Variants in EML5 observed in about 807,000 individuals in gnomAD.
The protein encoded by EML5 is echinoderm microtubule-associated protein-like 5.
A neutral mutation model predicts 250.0 loss-of-function variants in EML5; 120 were observed. The ratio of observed to expected loss-of-function variants is 0.48; its 90% CI spans 0.41 to 0.56. The LOEUF is 0.56. Ranked by LOEUF, EML5 falls within the 20% of genes least tolerant of loss-of-function variation. The pLI, the probability that EML5 is intolerant of heterozygous loss-of-function variation, is 0.00. For synonymous variants in EML5, 771 were observed against 806.5 expected, an observed-to-expected ratio of 0.96 and a Z score of 0.75; for missense variants, 2,006 against 2,437.6, an observed-to-expected ratio of 0.82 and a Z score of 3.73.
At chr14:88,655,891 G>C (rs1170839471) in intron 27 of EML5, among the ~76,000 whole-genome samples, 1 of 152,192 alleles carries the variant, frequency 6.6e-6, no homozygotes, top group Non-Finnish European at 1.5e-5. Context: ...GGTCATTAGA[G>C]AAATGCAAAT....
intron 16 of EML5, 127 bp downstream of exon 16, chr14:88,695,234 G>T: frequency 1.5e-6 from 1 of 665,260 alleles, no homozygotes; most frequent in Non-Finnish European, 2.5e-6. Context: ...TTATTCAATG[G>T]TAATAAACAT....
chr14:88,780,389 C>G (rs1043228632), intron 1 of EML5, among the ~76,000 whole-genome samples: 3 of 150,190 alleles, frequency 2.0e-5, no homozygotes, highest in African/African-American at 7.4e-5. Context: ...GATTTGTTTA[C>G]TGTTCAGTAT....
chr14:88,622,235 T>G (rs1364867239), intron 37 of EML5: 7 of 176,652 alleles, frequency 4.0e-5, no homozygotes, highest in Non-Finnish European at 4.8e-5. Context: ...CTGAGTAGTA[T>G]TTCATTGTTT....
chr14:88,711,349 C>T (rs765312008), intron 10 of EML5, among the ~76,000 whole-genome samples: 1 of 100,368 alleles, frequency 1.0e-5, no homozygotes, highest in Admixed American at 1.1e-4. Flanking sequence ...TGAGTTCTCA[C>T]GAGATCTGAT....
rs1388771759 is a variant in EML5 at position 88,618,781 on chromosome 14, C to T, written c.5407G>A (p.Gly1803Ser). The change falls in exon 40 of 44, where the codon GGT (glycine) becomes AGT (serine). Residue 1803 changes from glycine (G) to serine (S), a missense_variant. This residue lies in a region of EML5 where 405 missense variants were observed against 523.3 expected (regional missense o/e 0.77). Transcript: ENST00000554922. ...AAATCCACTGAGTTCTCACTAGAAC[C>T]TACTGCCAGATACCGGGAATCCGGA... Reference protein sequence around the residue: ...FSPDSRYLAVGSSENSVDFYD... With the variant: ...FSPDSRYLAVSSSENSVDFYD... 6.3e-7 allele frequency: 1 copy of T among 1,597,462 alleles called. No homozygotes were observed. The highest frequency in any genetic ancestry group is 8.5e-7 in the Non-Finnish European group (1 of 1,170,820).
intron 1 of EML5, among the ~76,000 whole-genome samples, chr14:88,770,934 G>A (rs569876938): frequency 6.6e-6 from 1 of 152,184 alleles, no homozygotes; most frequent in South Asian, 2.1e-4. Flanking sequence ...ATATTGCTGA[G>A]TAATGGAAAT....
chr14:88,739,117 G>A (rs2093888171), intron 5 of EML5, 103 bp from the exon 6 acceptor site: 5 of 1,121,526 alleles, frequency 4.5e-6, no homozygotes, highest in Non-Finnish European at 6.1e-6. Context: ...ATTTTGGTAG[G>A]ATATAAGAAT....
intron 7 of EML5, among the ~76,000 whole-genome samples, chr14:88,727,391 G>A (rs2093682696): frequency 6.8e-6 from 1 of 146,634 alleles, no homozygotes; most frequent in Admixed American, 7.0e-5. Flanking sequence ...TCTGTAGTGT[G>A]ATACACTGCA....
At position 88,658,314 on chromosome 14, in the gene EML5, G is replaced by A; in HGVS notation, c.3750C>T (p.Asp1250=). The A allele has an allele frequency of 6.2e-7, 1 of 1,613,812 alleles. No homozygotes were observed. The highest frequency in any genetic ancestry group is 8.5e-7 in the Non-Finnish European group (1 of 1,179,816). ...TACCGCCTAGGGTAACCAACATGCT[G>A]TCATCATAAGTCCAGCGAACATTTG... ...HVTNVRWTYD[D]SMLVTLGGTD... is the part of the protein sequence containing the mutation. Residue 1250 remains aspartate, a synonymous_variant, in exon 26 of 44, where the codon GAC becomes GAT. Transcript: ENST00000554922.
chr14:88,645,278 G>A (rs1293668705), intron 29 of EML5, among the ~76,000 whole-genome samples: 1 of 152,122 alleles, frequency 6.6e-6, no homozygotes, highest in Non-Finnish European at 1.5e-5. Context: ...CGCCTACCTC[G>A]GCCTCCCAAA....
At chr14:88,706,168 G>T (rs1405722847) in intron 11 of EML5, 91 bp downstream of exon 11, 19 of 1,227,972 alleles carry the variant, frequency 1.5e-5, no homozygotes, top group South Asian at 5.2e-5. Context: ...AACTTATGAG[G>T]CCAGATTATA....
intron 1 of EML5, among the ~76,000 whole-genome samples, chr14:88,772,341 C>T (rs1306475252): frequency 6.6e-6 from 1 of 152,200 alleles, no homozygotes. Context: ...TCAACATAGC[C>T]AGGTGATCTT....
chr14:88,765,327 T>G (rs1386297512), intron 1 of EML5, among the ~76,000 whole-genome samples: 1 of 152,182 alleles, frequency 6.6e-6, no homozygotes, highest in Non-Finnish European at 1.5e-5. Context: ...GAACGTTAGC[T>G]GAATTCAATT....
intron 1 of EML5, among the ~76,000 whole-genome samples, chr14:88,757,602 G>T (rs958715874): frequency 6.6e-6 from 1 of 151,974 alleles, no homozygotes; most frequent in African/African-American, 2.4e-5. Flanking sequence ...AATATATAAA[G>T]AATTCCTACA....
chr14:88,690,309 T>G (rs1351442731), intron 17 of EML5, among the ~76,000 whole-genome samples: 1 of 152,214 alleles, frequency 6.6e-6, no homozygotes, highest in African/African-American at 2.4e-5. Context: ...ATTAAGAGGT[T>G]CATTCTGACT....
Position 88,660,568 on chromosome 14 carries a change from CT to C in EML5, c.3675+1085del, listed in dbSNP as rs544095634. ...CCAGCCTGACCAACATGGTAAAACC[CT>C]ATCTCTACTAAAAATACAAAAAAAT... On this transcript the variant is annotated intron_variant, in intron 25 of 43. Coordinates refer to ENST00000554922, the MANE Select transcript of EML5 (RefSeq NM_183387.3). 5.2e-3 allele frequency among the ~76,000 whole-genome samples: 786 copies of C among 151,788 alleles called. 9 individuals carry two copies. The highest frequency in any genetic ancestry group is 0.018 in the African/African-American group (756 of 41,386).
chr14:88,620,178 C>T lies in EML5; in HGVS notation c.5375+576G>A, dbSNP rs1325773879. On this transcript the variant is annotated intron_variant, in intron 39 of 43. Coordinates refer to ENST00000554922, the MANE Select transcript of EML5 (RefSeq NM_183387.3). This position sits in a 1 kb window ranked among gnomAD's most constrained non-coding sequence, Gnocchi z 4.3. ...AAGGATTTTACTGATGAAAAGTGTA[C>T]AAGCTTTTGACAGACCTAGATTCAA... The T allele has an allele frequency of 3.3e-5, 5 of 152,142 alleles. No homozygotes were observed. The highest frequency in any genetic ancestry group is 1.2e-4 in the African/African-American group (5 of 41,428). 9.4% of individuals were successfully genotyped at this position (152,142 alleles called of 1,614,324 possible).
chr14:88,774,185 A>G (rs1024568490), intron 1 of EML5, among the ~76,000 whole-genome samples: 2 of 152,196 alleles, frequency 1.3e-5, no homozygotes, highest in African/African-American at 2.4e-5. Flanking sequence ...TGGGCTCTAC[A>G]CTTAGAGTTT....
At position 88,740,504 on chromosome 14, in the gene EML5, C is replaced by T. The variant is rs555590845; in HGVS notation, c.594G>A (p.Gln198=). The T allele has an allele frequency of 1.9e-6, 3 of 1,613,744 alleles. No homozygotes were observed. The highest frequency in any genetic ancestry group is 1.3e-5 in the African/African-American group (1 of 75,024). The change falls in exon 5 of 44, where the codon CAG becomes CAA. Residue 198 remains glutamine (Q), a synonymous_variant. Transcript: ENST00000554922. ...TTGCACAGGCTAGGCACAGTATTGT[C>T]TGAAGGTCACCCGTCTTACCAAAGA... is the stretch of plus-strand genomic sequence containing the variant. ...RGVFGKTGDL[Q]TILCLACARD...
Sources: allele counts gnomAD v4.1 joint callset (sites outside exome capture counted in the v4.1 genomes callset), GRCh38; gene constraint gnomAD v4.1.1; regional missense constraint gnomAD v4.1.1; non-coding constraint Gnocchi (gnomAD v3.1); transcripts MANE v1.5; gene names NCBI Gene and HGNC (gene_info 2026-07-23, HGNC 2026-07-21).